Variants in ZPR1 observed in about 807,000 individuals in gnomAD.
The protein encoded by ZPR1 is ZPR1 zinc finger, also known as zinc finger protein ZPR1.
ZPR1 carries 37 observed loss-of-function variants against 59.6 expected under a neutral mutation model. The ratio of observed to expected loss-of-function variants is 0.62; its 90% CI spans 0.48 to 0.82. The LOEUF (loss-of-function observed/expected upper bound fraction) is 0.82, where lower values mean the gene tolerates loss of function less well. ZPR1 is among the 40% of genes least tolerant of loss of function. The pLI is 0.00. For synonymous variants in ZPR1, 191 were observed against 215.2 expected (o/e 0.89, Z 0.99); for missense variants, 527 against 579.9 (o/e 0.91, Z 0.94).
At chr11:116,785,209 C>T in intron 6 of ZPR1, 63 bp from the exon 7 acceptor site, 3 of 1,582,072 alleles carry the variant, frequency 1.9e-6, no homozygotes, top group Non-Finnish European at 2.6e-6. Flanking sequence ...CAACACCCTG[C>T]CCTGGAGTGG....
In ZPR1 at chr11:116,782,303, C is replaced by T; in HGVS notation, c.1093-59G>A. The T allele has an allele frequency of 2.0e-6, 3 of 1,487,132 alleles. No homozygotes were observed. The South Asian group carries it at 3.4e-5, about 17-fold the overall frequency. The allele number at this position is 1,487,132 out of a possible 1,614,324, so 92.1% of individuals were successfully genotyped here. ...CTGGCTTTATATTTGTTAGGCCTGACCATAAACTAGGCAGGGGGTGACAGT... is the reference window on the plus strand; with the variant it reads ...CTGGCTTTATATTTGTTAGGCCTGATCATAAACTAGGCAGGGGGTGACAGT... On this transcript the variant is annotated intron_variant, in intron 11 of 13. Coordinates refer to ENST00000227322, the MANE Select transcript of ZPR1 (RefSeq NM_003904.5).
Position 116,778,749 on chromosome 11 carries a change from C to T in ZPR1, c.*176G>A. On this transcript the variant is annotated 3_prime_UTR_variant, in exon 14 of 14. Coordinates refer to ENST00000227322, the MANE Select transcript of ZPR1 (RefSeq NM_003904.5). ...GGTCAAGTAACACAATAGGCTCACA[C>T]TTGCATCACAAGCTGTTTAGAAAGT... is the stretch of plus-strand genomic sequence containing the variant. 2.5e-6 allele frequency: 2 copies of T among 805,944 alleles called. No individual in the cohort carries two copies. Among genetic ancestry groups the T allele is most frequent in the Non-Finnish European group, 3.8e-6 (2 of 532,858 alleles). 49.9% of individuals were successfully genotyped at this position (805,944 alleles called of 1,614,324 possible). A position where few individuals can be genotyped will look rare whatever the true frequency, so the allele number is the denominator to read the frequency against.
chr11:116,782,006 T>A (rs1940812911), intron 12 of ZPR1, 152 bp downstream of exon 12: 1 of 611,272 alleles, frequency 1.6e-6, no homozygotes, highest in Admixed American at 3.1e-5. Flanking sequence ...AACGAGACTC[T>A]GTCTCCAAAA....
intron 13 of ZPR1, 143 bp from the exon 14 acceptor site, chr11:116,779,202 G>T (rs758505106): frequency 1.2e-4 from 134 of 1,157,220 alleles, no homozygotes; most frequent in Middle Eastern, 2.7e-4. Context: ...TGGCTAGACT[G>T]AACTAGTGGG....
chr11:116,786,936 C>T (rs373498852), intron 3 of ZPR1, 33 bp downstream of exon 3: 64 of 1,571,846 alleles, frequency 4.1e-5, no homozygotes, highest in Middle Eastern at 1.7e-4. Context: ...TAGCTACATG[C>T]GAACAGCCCA....
chr11:116,778,201 G>C lies in ZPR1; in HGVS notation c.*724C>G, dbSNP rs964184. 125,282 of 152,238 alleles carry C rather than the reference G, an allele frequency of 0.82. 51,799 individuals are homozygous for C. Among genetic ancestry groups the C allele is most frequent in the Non-Finnish European group, 0.86 (58,670 of 68,062 alleles). The allele number at this position is 152,238 out of a possible 1,614,324, so 9.4% of individuals were successfully genotyped here. ...TCACCATCTGATGTACTGTTTTCCTGATCTGTTTATTGTCATTTTTCCCCA... is the reference window on the plus strand; with the variant it reads ...TCACCATCTGATGTACTGTTTTCCTCATCTGTTTATTGTCATTTTTCCCCA... On this transcript the variant is annotated 3_prime_UTR_variant, in exon 14 of 14. Transcript: ENST00000227322.
intron 2 of ZPR1, 106 bp downstream of exon 2, chr11:116,787,376 G>T: frequency 8.5e-7 from 1 of 1,178,894 alleles, no homozygotes; most frequent in Non-Finnish European, 1.2e-6. Context: ...AAGGCTAGGA[G>T]ACATAGGGGG....
At position 116,777,666 on chromosome 11, in the gene ZPR1, A is replaced by C. The variant is rs1294463698; in HGVS notation, c.*1259T>G. 2.0e-5 allele frequency: 1 copy of C among 51,164 alleles called. No homozygotes were observed. The highest frequency in any genetic ancestry group is 3.7e-5 in the Non-Finnish European group (1 of 27,224). 3.2% of individuals were successfully genotyped at this position (51,164 alleles called of 1,614,324 possible). A position where few individuals can be genotyped will look rare whatever the true frequency, so the allele number is the denominator to read the frequency against. ...CAGCGCGAGACTCTGTCTCTACCAA[A>C]AAAAAAAAAAAAAAAAGTTTGCAAC... is the stretch of plus-strand genomic sequence containing the variant. On this transcript the variant is annotated 3_prime_UTR_variant, in exon 14 of 14. Coordinates refer to ENST00000227322, the MANE Select transcript of ZPR1 (RefSeq NM_003904.5).
intron 4 of ZPR1, 85 bp from the exon 5 acceptor site, chr11:116,785,967 G>T: frequency 8.5e-7 from 1 of 1,179,184 alleles, no homozygotes; most frequent in Non-Finnish European, 1.3e-6. Context: ...CTTCCATTAG[G>T]AAGTCACCAC....
chr11:116,782,845 T>C, intron 11 of ZPR1, 74 bp downstream of exon 11: 1 of 1,199,920 alleles, frequency 8.3e-7, no homozygotes, highest in African/African-American at 1.5e-5. Context: ...AATTAGGATG[T>C]CTGAAGTCTT....
In ZPR1 at chr11:116,777,204, G is replaced by A. The variant is rs1242720049; in HGVS notation, c.*1721C>T. ...AAACCAAGGGTACAGTATCTCGAGAGCCAAAAGAAGGGTTAAGAAGAGATG... is the reference window on the plus strand; with the variant it reads ...AAACCAAGGGTACAGTATCTCGAGAACCAAAAGAAGGGTTAAGAAGAGATG... On this transcript the variant is annotated 3_prime_UTR_variant, in exon 14 of 14. Coordinates refer to ENST00000227322, the MANE Select transcript of ZPR1 (RefSeq NM_003904.5). 1.3e-5 allele frequency: 2 copies of A among 152,178 alleles called. No homozygotes were observed. Among genetic ancestry groups the A allele is most frequent in the East Asian group, 3.9e-4 (2 of 5,190 alleles). 9.4% of individuals were successfully genotyped at this position (152,178 alleles called of 1,614,324 possible). A position where few individuals can be genotyped will look rare whatever the true frequency, so the allele number is the denominator to read the frequency against.
intron 1 of ZPR1, 29 bp downstream of exon 1, chr11:116,787,791 C>T (rs754656118): frequency 1.3e-6 from 2 of 1,536,578 alleles, no homozygotes; most frequent in South Asian, 1.2e-5. Context: ...CCTACCCACC[C>T]GCCGCTCGCG....
chr11:116,774,160 G>A lies in ZPR1; in HGVS notation c.*4765C>T, dbSNP rs1350643644. The stretch of plus-strand genomic sequence containing the variant: ...TGATGACTGGATATAATTATACATT[G>A]TGTAATGATTACCAAAATCAAATTA... On this transcript the variant is annotated 3_prime_UTR_variant, in exon 14 of 14. Coordinates refer to ENST00000227322, the MANE Select transcript of ZPR1 (RefSeq NM_003904.5). 1 of 152,118 alleles carries A rather than the reference G, an allele frequency of 6.6e-6. No individual in the cohort carries two copies. Among genetic ancestry groups the A allele is most frequent in the African/African-American group, 2.4e-5 (1 of 41,412 alleles). The allele number at this position is 152,118 out of a possible 1,614,324, so 9.4% of individuals were successfully genotyped here.
rs746496306 is a variant in ZPR1 at position 116,779,084 on chromosome 11, A to T, written c.1246-25T>A. ...TCTGCAAGGTCAAGGAGAGACAATC[A>T]GTGCCGCTGTGCCACTCCCCCTCTC... On this transcript the variant is annotated intron_variant, in intron 13 of 13. Coordinates refer to ENST00000227322, the MANE Select transcript of ZPR1 (RefSeq NM_003904.5). The T allele has an allele frequency of 2.0e-5, 33 of 1,612,186 alleles. No homozygotes were observed. In the South Asian group the frequency reaches 3.6e-4, roughly 18 times the overall value.
rs36148817 is a variant in ZPR1 at position 116,775,627 on chromosome 11, C to CAAAAAAAAAAAAAAAAAA, written c.*3280_*3297dup. The CAAAAAAAAAAAAAAAAAA allele has an allele frequency of 4.1e-5, 3 of 72,948 alleles. 1 individual carries two copies. Among genetic ancestry groups the CAAAAAAAAAAAAAAAAAA allele is most frequent in the Non-Finnish European group, 8.6e-5 (3 of 34,868 alleles). The allele number at this position is 72,948 out of a possible 1,614,324, so 4.5% of individuals were successfully genotyped here. A position where few individuals can be genotyped will look rare whatever the true frequency, so the allele number is the denominator to read the frequency against. On this transcript the variant is annotated 3_prime_UTR_variant, in exon 14 of 14. Coordinates refer to ENST00000227322, the MANE Select transcript of ZPR1 (RefSeq NM_003904.5). ...TGGGCAACAGAGTGAGACTCCGTCT[C>CAAAAAAAAAAAAAAAAAA]AAAAAAAAAAAAAAAAAAAAAAAAA...
rs1187614154 is a variant in ZPR1 at position 116,779,761 on chromosome 11, G to A, written c.1245+11C>T. On this transcript the variant is annotated intron_variant, in intron 13 of 13. Coordinates refer to ENST00000227322, the MANE Select transcript of ZPR1 (RefSeq NM_003904.5). ...GTATCTCTATGAAACATCAGGGAAG[G>A]TCTACTATACCTGCAAGTAACTGTT... 9 of 1,595,114 alleles carry A rather than the reference G, an allele frequency of 5.6e-6. No individual in the cohort carries two copies. Among genetic ancestry groups the A allele is most frequent in the Non-Finnish European group, 6.9e-6 (8 of 1,165,986 alleles).
At position 116,783,535 on chromosome 11, in the gene ZPR1, G is replaced by T; in HGVS notation, c.976C>A (p.Leu326Ile). 1 of 1,613,556 alleles carries T rather than the reference G, an allele frequency of 6.2e-7. No individual in the cohort carries two copies. The highest frequency in any genetic ancestry group is 8.5e-7 in the Non-Finnish European group (1 of 1,179,482). ...TDASDMTRDL[L>I]KSETCSVEIP... ...TTTCCCAAGCAGACTGTTACCTTGA[G>T]GAGGTCTCTGGTCATATCTGAGGCA... The change falls in exon 10 of 14, where the codon CTC (leucine) becomes ATC (isoleucine). Residue 326 changes from leucine (L) to isoleucine (I), a missense_variant. Physicochemically the swap from Leu to Ile is conservative, Grantham distance 5 (BLOSUM62 2). Transcript: ENST00000227322.
rs1469314522 is a variant in ZPR1, at chr11:116,775,532, G to GCAAGAGAA, written c.*3385_*3392dup. ...AGTCCCAGCTACTCAGAAGGCTGAGGCAAGAGAATCGCTTGAACCTGGGAG... is the reference window on the plus strand; with the variant it reads ...AGTCCCAGCTACTCAGAAGGCTGAGGCAAGAGAACAAGAGAATCGCTTGAACCTGGGAG... On this transcript the variant is annotated 3_prime_UTR_variant, in exon 14 of 14. Coordinates refer to ENST00000227322, the MANE Select transcript of ZPR1 (RefSeq NM_003904.5). 6.4e-6 allele frequency: 1 copy of GCAAGAGAA among 155,796 alleles called. No individual in the cohort carries two copies. The highest frequency in any genetic ancestry group is 2.5e-5 in the African/African-American group (1 of 40,510). 9.7% of individuals were successfully genotyped at this position (155,796 alleles called of 1,614,324 possible).
intron 2 of ZPR1, 63 bp downstream of exon 2, chr11:116,787,419 C>T: frequency 1.3e-6 from 2 of 1,550,974 alleles, no homozygotes; most frequent in South Asian, 2.3e-5. Context: ...TGGACCAGAG[C>T]TCTGACCCCA....
Sources: gnomAD v4.1 joint callset for allele counts on GRCh38, gnomAD v4.1.1 for gene constraint, MANE v1.5 for transcripts, NCBI Gene and HGNC (gene_info 2026-07-23, HGNC 2026-07-21) for gene names.